The following RBMS3 variants were observed in gnomAD, a reference collection of about 807,000 sequenced individuals.
RBMS3 encodes the protein RNA-binding motif, single-stranded-interacting protein 3.
In RBMS3, 27 loss-of-function variants were observed where a neutral mutation model predicts 66.8. The ratio of observed to expected loss-of-function variants is 0.40; its 90% confidence interval spans 0.30 to 0.56. The LOEUF (loss-of-function observed/expected upper bound fraction) is 0.56, where lower values mean the gene tolerates loss of function less well. Ranked by LOEUF, RBMS3 falls within the 20% of genes least tolerant of loss-of-function variation. The probability of loss-of-function intolerance (pLI) is 0.40; values close to 1 mark genes in which losing one functional copy is unlikely to be tolerated. For synonymous variants in RBMS3, 188 were observed against 183.0 expected, an observed-to-expected ratio of 1.03 and a Z score of -0.22; for missense variants, 513 against 549.5, an observed-to-expected ratio of 0.93 and a Z score of 0.66.
intron 6 of RBMS3, among the ~76,000 whole-genome samples, chr3:29,864,393 G>A (rs1237767235): frequency 6.6e-6 from 1 of 152,136 alleles, no homozygotes; most frequent in East Asian, 1.9e-4. Context: ...CTCAGGAAAG[G>A]GACCTAGTGC....
intron 3 of RBMS3, among the ~76,000 whole-genome samples, chr3:29,534,299 G>C (rs1447420892): frequency 6.6e-6 from 1 of 152,210 alleles, no homozygotes; most frequent in African/African-American, 2.4e-5. Flanking sequence ...AGAAATCTGA[G>C]TTTCTGCGGA....
chr3:29,397,473 GA>G (rs1003834228), intron 1 of RBMS3, among the ~76,000 whole-genome samples: 9 of 152,038 alleles, frequency 5.9e-5, no homozygotes, highest in Non-Finnish European at 1.3e-4. Context: ...TTACTGTGTT[GA>G]ATGGTTCTCC....
chr3:29,814,097 G>A (rs563497744), intron 6 of RBMS3, among the ~76,000 whole-genome samples: 22 of 151,798 alleles, frequency 1.4e-4, no homozygotes, highest in Non-Finnish European at 2.6e-4. Context: ...TGTCCATTCA[G>A]TATGATAATG....
intron 1 of RBMS3, among the ~76,000 whole-genome samples, chr3:29,429,385 A>G (rs1457173770): frequency 1.3e-5 from 2 of 152,200 alleles, no homozygotes; most frequent in South Asian, 2.1e-4. Context: ...ATCCTCTGAG[A>G]TAGCATCCCT....
At chr3:29,991,417 G>A (rs765527530) in intron 14 of RBMS3, 6 of 695,526 alleles carry the variant, frequency 8.6e-6, no homozygotes, top group South Asian at 2.0e-5. Context: ...CAAACATCTA[G>A]GAACAGCTGC....
At chr3:29,766,373 A>T (rs918634064) in intron 6 of RBMS3, 1 of 152,022 alleles carries the variant, frequency 6.6e-6, no homozygotes, top group African/African-American at 2.4e-5. Context: ...CATTGCTCTG[A>T]ATTTCAAATT....
At chr3:29,977,414 T>TG (rs2149774209) in intron 12 of RBMS3, among the ~76,000 whole-genome samples, 1 of 152,232 alleles carries the variant, frequency 6.6e-6, no homozygotes, top group Admixed American at 6.5e-5. Flanking sequence ...ACTAATAATT[T>TG]GGGGTTTTCT....
chr3:29,636,690 C>G (rs984503296), intron 4 of RBMS3, among the ~76,000 whole-genome samples: 1 of 151,892 alleles, frequency 6.6e-6, no homozygotes, highest in African/African-American at 2.4e-5. Flanking sequence ...ACTTGCAATA[C>G]TAGTGTCACC....
At chr3:29,642,159 A>G (rs1477073984) in intron 4 of RBMS3, among the ~76,000 whole-genome samples, 3 of 152,058 alleles carry the variant, frequency 2.0e-5, no homozygotes, top group Non-Finnish European at 1.5e-5. Context: ...AGATCTGCCA[A>G]TGAGTGGATT....
chr3:29,731,766 TAGTC>T (rs915325658), intron 4 of RBMS3, among the ~76,000 whole-genome samples: 8 of 152,120 alleles, frequency 5.3e-5, no homozygotes, highest in Non-Finnish European at 1.0e-4. Context: ...CACATTGTAT[TAGTC>T]AGGGTTCTTC....
At chr3:29,458,972 T>A (rs908771501) in intron 2 of RBMS3, among the ~76,000 whole-genome samples, 2 of 152,176 alleles carry the variant, frequency 1.3e-5, no homozygotes, top group African/African-American at 4.8e-5. Flanking sequence ...TACATCATGA[T>A]GTGAGAGAAA....
At chr3:29,443,657 G>A (rs2041709994) in intron 2 of RBMS3, among the ~76,000 whole-genome samples, 1 of 152,102 alleles carries the variant, frequency 6.6e-6, no homozygotes, top group African/African-American at 2.4e-5. Flanking sequence ...GTATTCTTCT[G>A]CAAAGAATAG....
At chr3:29,402,648 T>A (rs1404239640) in intron 1 of RBMS3, among the ~76,000 whole-genome samples, 1 of 152,054 alleles carries the variant, frequency 6.6e-6, no homozygotes, top group Non-Finnish European at 1.5e-5. Context: ...GTATAACTGG[T>A]CAAAGAGCTG....
At chr3:29,325,641 C>CATGTGTGTATGTATATATAT (rs2035288160) in intron 1 of RBMS3, among the ~76,000 whole-genome samples, 2 of 58,982 alleles carry the variant, frequency 3.4e-5, no homozygotes, top group South Asian at 5.2e-4. Flanking sequence ...TATATATATA[C>CATGTGTGTATGTATATATAT]ACATACACAC....
intron 5 of RBMS3, among the ~76,000 whole-genome samples, chr3:29,760,964 A>C (rs1230516330): frequency 6.6e-6 from 1 of 152,004 alleles, no homozygotes; most frequent in East Asian, 1.9e-4. Flanking sequence ...ACTTATGTGG[A>C]TCCATTGGGT....
At chr3:29,683,174 A>G (rs952189176) in intron 4 of RBMS3, among the ~76,000 whole-genome samples, 17 of 152,170 alleles carry the variant, frequency 1.1e-4, no homozygotes, top group Non-Finnish European at 2.2e-4. Flanking sequence ...TTGGTTCCTC[A>G]TAGCCTCCAT....
chr3:29,640,017 G>C (rs78247211), intron 4 of RBMS3, among the ~76,000 whole-genome samples: 2,280 of 151,838 alleles, frequency 0.015, 64 homozygotes, highest in African/African-American at 0.051. Flanking sequence ...CCTATGCCCT[G>C]ACCATCAGGA....
intron 8 of RBMS3, among the ~76,000 whole-genome samples, chr3:29,890,458 G>A (rs144073624): frequency 2.0e-3 from 298 of 151,634 alleles, no homozygotes; most frequent in Non-Finnish European, 3.8e-3. Context: ...AGAAGAGCCT[G>A]GTCCCATTTT....
chr3:29,871,412 T>C (rs918687230), intron 7 of RBMS3, among the ~76,000 whole-genome samples: 3 of 152,114 alleles, frequency 2.0e-5, no homozygotes, highest in African/African-American at 4.8e-5. Context: ...GTTTGACCCC[T>C]TCCTTCATTC....
Sources: gnomAD v4.1 joint callset for allele counts (sites outside exome capture counted in the v4.1 genomes callset) on GRCh38, gnomAD v4.1.1 for gene constraint, MANE v1.5 for transcripts, NCBI Gene and HGNC (gene_info 2026-07-23, HGNC 2026-07-21) for gene names.